CLTC: variants seen among roughly 807,000 people sequenced by gnomAD.
CLTC encodes the protein clathrin heavy chain.
Under a neutral mutation model 195.8 loss-of-function variants are expected in CLTC, and 16 were observed. The ratio of observed to expected loss-of-function variants is 0.08; its 90% CI spans 0.06 to 0.12. CLTC has a LOEUF of 0.12. Ranked by LOEUF, CLTC falls within the 10% of genes least tolerant of loss-of-function variation. The pLI is 1.00. For missense variants in CLTC, 796 were observed against 2,027.0 expected, an observed-to-expected ratio of 0.39 and a Z score of 11.66; for synonymous variants, 667 against 689.4, an observed-to-expected ratio of 0.97 and a Z score of 0.51.
At position 59,677,009 on chromosome 17, in the gene CLTC, C is replaced by G. The variant is rs770057445; in HGVS notation, c.2617C>G (p.Pro873Ala). The G allele has an allele frequency of 3.1e-6, 5 of 1,613,938 alleles. No individual in the cohort carries two copies. Among genetic ancestry groups the G allele is most frequent in the Non-Finnish European group, 3.4e-6 (4 of 1,180,008 alleles). The change falls in exon 17 of 32, where the codon CCT becomes GCT. Residue 873 changes from proline (P) to alanine (A), a missense_variant. Physicochemically the swap from Pro to Ala is conservative, Grantham distance 27. Around this residue, in one of 9 missense-constraint regions of CLTC, gnomAD observed 160 missense variants for 448.2 expected, o/e 0.36. Transcript: ENST00000269122. ...CAGAATTCATGAGGGCTGTGAGGAGCCTGCTACTCACAATGCCTTAGCCAA... is the reference window on the plus strand; with the variant it reads ...CAGAATTCATGAGGGCTGTGAGGAGGCTGCTACTCACAATGCCTTAGCCAA... ...EARIHEGCEE[P>A]ATHNALAKIY...
intron 6 of CLTC, 52 bp downstream of exon 6, chr17:59,656,079 G>A: frequency 3.4e-6 from 5 of 1,467,842 alleles, no homozygotes; most frequent in Non-Finnish European, 3.7e-6. Flanking sequence ...TGATGAGTTG[G>A]GAACAATCCT....
Position 59,678,049 on chromosome 17 carries a change from A to G in CLTC, c.2796+861A>G, listed in dbSNP as rs181155056. 2.2e-3 allele frequency among the ~76,000 whole-genome samples: 336 copies of G among 152,142 alleles called. 1 individual carries two copies. The highest frequency in any genetic ancestry group is 7.3e-3 in the African/African-American group (303 of 41,512). On this transcript the variant is annotated intron_variant, in intron 17 of 31. Transcript: ENST00000269122. ...CTGTACTGTCTCTATGGATTTGCCTATTCTCTATATTTCATCTAAATGTAA... is the reference window on the plus strand; with the variant it reads ...CTGTACTGTCTCTATGGATTTGCCTGTTCTCTATATTTCATCTAAATGTAA...
chr17:59,659,038 T>C (rs1007579457), intron 6 of CLTC, among the ~76,000 whole-genome samples: 3 of 152,192 alleles, frequency 2.0e-5, no homozygotes, highest in Non-Finnish European at 4.4e-5. Context: ...TCTTACTGAT[T>C]TGGGGACAGA....
At chr17:59,687,674 TGA>T (rs1303152001) in intron 30 of CLTC, among the ~76,000 whole-genome samples, 1 of 152,178 alleles carries the variant, frequency 6.6e-6, no homozygotes, top group Non-Finnish European at 1.5e-5. Flanking sequence ...TTTTTAATCA[TGA>T]GAGCCAAGCT....
rs1439100535 is a variant in CLTC at position 59,660,717 on chromosome 17, TC to T, written c.1167+131del. The T allele has an allele frequency of 3.7e-5, 33 of 903,896 alleles. No individual in the cohort carries two copies. The East Asian group carries it at 8.1e-4, about 22-fold the overall frequency. 56.0% of individuals were successfully genotyped at this position (903,896 alleles called of 1,614,324 possible). A position where few individuals can be genotyped will look rare whatever the true frequency, so the allele number is the denominator to read the frequency against. Reference sequence around the variant, plus strand: ...TTTAGATTACATTTGGGTTACATTTTCCTTTAGTAGAATTCCTTGTCAATGC... The same window carrying T: ...TTTAGATTACATTTGGGTTACATTTTCTTTAGTAGAATTCCTTGTCAATGC... On this transcript the variant is annotated intron_variant, in intron 7 of 31. Transcript: ENST00000269122.
Position 59,648,287 on chromosome 17 carries a change from A to G in CLTC, c.567A>G (p.Lys189=), listed in dbSNP as rs2032246124. 1.9e-6 allele frequency: 3 copies of G among 1,614,138 alleles called. No homozygotes were observed. Among genetic ancestry groups the G allele is most frequent in the East Asian group, 4.5e-5 (2 of 44,880 alleles). The change falls in exon 4 of 32, where the codon AAA becomes AAG. Residue 189 remains lysine (K), a synonymous_variant. Coordinates refer to ENST00000269122, the MANE Select transcript of CLTC (RefSeq NM_004859.4). This position sits in a 1 kb window ranked among gnomAD's most constrained non-coding sequence, Gnocchi z 4.5. ...GAMQLYSVDR[K]VSQPIEGHAA... ...TGCAGCTATATTCTGTAGATAGGAA[A>G]GTGTCTCAGCCCATTGAAGGACATG... is the stretch of plus-strand genomic sequence containing the variant.
At chr17:59,632,003 A>C (rs952567437) in intron 1 of CLTC, among the ~76,000 whole-genome samples, 1 of 151,186 alleles carries the variant, frequency 6.6e-6, no homozygotes, top group Non-Finnish European at 1.5e-5. Context: ...GTTTAGAAGT[A>C]AATCCCAGAA....
intron 17 of CLTC, among the ~76,000 whole-genome samples, chr17:59,677,653 C>CTA (rs1055707957): frequency 2.6e-5 from 4 of 152,144 alleles, no homozygotes; most frequent in Admixed American, 2.6e-4. Flanking sequence ...CTAGTTTTGT[C>CTA]AGTTACCCAA....
At chr17:59,653,622 G>A (rs550614998) in intron 5 of CLTC, among the ~76,000 whole-genome samples, 2 of 152,030 alleles carry the variant, frequency 1.3e-5, no homozygotes, top group East Asian at 3.9e-4. Context: ...TGTGATCATA[G>A]CTCACTGCAG....
At chr17:59,661,258 C>G (rs542479579) in intron 7 of CLTC, among the ~76,000 whole-genome samples, 185 bp from the exon 8 acceptor site, 2 of 151,902 alleles carry the variant, frequency 1.3e-5, no homozygotes, top group South Asian at 2.1e-4. Flanking sequence ...AATATTTACT[C>G]CAGATGGTAA....
chr17:59,653,267 C>T (rs2032375432), intron 5 of CLTC, among the ~76,000 whole-genome samples: 1 of 151,550 alleles, frequency 6.6e-6, no homozygotes, highest in African/African-American at 2.4e-5. Flanking sequence ...GATCTCGGCT[C>T]ACTGCAAGCT....
chr17:59,636,121 C>T (rs1258570533), intron 1 of CLTC, among the ~76,000 whole-genome samples: 2 of 149,370 alleles, frequency 1.3e-5, no homozygotes, highest in Non-Finnish European at 3.0e-5. Context: ...GCAACAAGAG[C>T]GAAACTACGT....
chr17:59,667,350 T>G (rs753783194), intron 13 of CLTC, among the ~76,000 whole-genome samples: 8 of 152,202 alleles, frequency 5.3e-5, no homozygotes, highest in Non-Finnish European at 1.2e-4. Flanking sequence ...AAATGCTTGT[T>G]GGAGCATTTC....
chr17:59,630,557 G>C (rs766109090), intron 1 of CLTC, among the ~76,000 whole-genome samples: 3 of 152,042 alleles, frequency 2.0e-5, no homozygotes, highest in Non-Finnish European at 2.9e-5. Flanking sequence ...CCCCATACAC[G>C]TGAAGCAGTC....
chr17:59,643,767 T>C (rs1462632588), intron 1 of CLTC, among the ~76,000 whole-genome samples: 1 of 152,248 alleles, frequency 6.6e-6, no homozygotes, highest in Non-Finnish European at 1.5e-5. Context: ...TACATATCTT[T>C]GTTTTGGCAC....
chr17:59,620,847 C>T (rs1528492), intron 1 of CLTC, among the ~76,000 whole-genome samples: 1 of 151,852 alleles, frequency 6.6e-6, no homozygotes, highest in African/African-American at 2.4e-5. Context: ...AGAGTGTGTG[C>T]GGTCAAACTC....
chr17:59,645,840 C>T (rs2032178859), intron 2 of CLTC, among the ~76,000 whole-genome samples: 1 of 131,272 alleles, frequency 7.6e-6, no homozygotes, highest in African/African-American at 2.7e-5. Flanking sequence ...ACTTCTATTA[C>T]TTCTATTTAG....
chr17:59,627,645 C>T (rs900480348), intron 1 of CLTC, among the ~76,000 whole-genome samples: 1 of 150,630 alleles, frequency 6.6e-6, no homozygotes, highest in Non-Finnish European at 1.5e-5. Flanking sequence ...AGCAAACTAA[C>T]ATCTGACTTT....
In CLTC at chr17:59,619,950, C is replaced by G. The variant is rs1022506755; in HGVS notation, c.-182C>G. ...TTCCGCCATTGCGGCTCTCCTGGCC[C>G]CTGGAGCCTCCGCCCCCGACCCGAG... On this transcript the variant is annotated 5_prime_UTR_variant, in exon 1 of 32. Coordinates refer to ENST00000269122, the MANE Select transcript of CLTC (RefSeq NM_004859.4). 3.3e-6 allele frequency: 2 copies of G among 597,404 alleles called. No homozygotes were observed. Among genetic ancestry groups the G allele is most frequent in the African/African-American group, 1.9e-5 (1 of 53,926 alleles). 37.0% of individuals were successfully genotyped at this position (597,404 alleles called of 1,614,324 possible).
Sources: gnomAD v4.1 joint callset for allele counts (sites outside exome capture counted in the v4.1 genomes callset) on GRCh38, gnomAD v4.1.1 for gene constraint, gnomAD v4.1.1 regional missense constraint, Gnocchi (gnomAD v3.1) non-coding constraint, MANE v1.5 for transcripts, NCBI Gene and HGNC (gene_info 2026-07-23, HGNC 2026-07-21) for gene names.